NOL4: variants seen among roughly 807,000 people sequenced by gnomAD.
NOL4 encodes the protein cancer/testis antigen 125.
Under a neutral mutation model 75.9 loss-of-function variants are expected in NOL4, and 17 were observed. The observed-to-expected ratio is 0.22, with a 90% CI of 0.15 to 0.34. NOL4 has a LOEUF of 0.34. NOL4 is among the 10% of genes least tolerant of loss of function. The probability of loss-of-function intolerance (pLI) is 1.00; values close to 1 mark genes in which losing one functional copy is unlikely to be tolerated. For missense variants in NOL4, 614 were observed against 793.5 expected (o/e 0.77, Z 2.72); for synonymous variants, 292 against 289.9 (o/e 1.01, Z -0.07).
intron 6 of NOL4, among the ~76,000 whole-genome samples, chr18:34,008,191 T>G (rs1352322816): frequency 2.0e-5 from 3 of 151,986 alleles, no homozygotes; most frequent in East Asian, 3.9e-4. Flanking sequence ...GTTTATGGTC[T>G]TCTAATTCAG....
At chr18:34,159,270 G>A (rs770886972) in intron 1 of NOL4, among the ~76,000 whole-genome samples, 1 of 152,180 alleles carries the variant, frequency 6.6e-6, no homozygotes, top group Non-Finnish European at 1.5e-5. Context: ...CTCCCAACCC[G>A]CGACCCTCCG....
Position 33,852,268 on chromosome 18 carries a change from A to G in NOL4, c.*574T>C, listed in dbSNP as rs1405555872. On this transcript the variant is annotated 3_prime_UTR_variant, in exon 11 of 11. Coordinates refer to ENST00000261592, the MANE Select transcript of NOL4 (RefSeq NM_003787.5). ...GAAAAGGTACTTACAGTAGTTTCTCAAAACAGTTTTCTTTTAGGACCTATG... is the reference window on the plus strand; with the variant it reads ...GAAAAGGTACTTACAGTAGTTTCTCGAAACAGTTTTCTTTTAGGACCTATG... 1 of 152,522 alleles carries G rather than the reference A, an allele frequency of 6.6e-6. No individual in the cohort carries two copies. Among genetic ancestry groups the G allele is most frequent in the African/African-American group, 2.4e-5 (1 of 41,432 alleles). The allele number at this position is 152,522 out of a possible 1,614,324, so 9.4% of individuals were successfully genotyped here. A position where few individuals can be genotyped will look rare whatever the true frequency, so the allele number is the denominator to read the frequency against.
intron 1 of NOL4, among the ~76,000 whole-genome samples, chr18:34,182,475 T>C (rs566347912): frequency 6.6e-6 from 1 of 151,802 alleles, no homozygotes; most frequent in South Asian, 2.1e-4. Flanking sequence ...TACAACTATA[T>C]AGTGGTGATG....
chr18:34,140,649 T>G (rs955642164), intron 1 of NOL4, among the ~76,000 whole-genome samples: 6 of 152,194 alleles, frequency 3.9e-5, no homozygotes, highest in African/African-American at 1.2e-4. Flanking sequence ...CCAGTCTGTG[T>G]CTTTTAATTG....
intron 1 of NOL4, among the ~76,000 whole-genome samples, chr18:34,155,860 T>C (rs1158375176): frequency 6.6e-6 from 1 of 152,102 alleles, no homozygotes; most frequent in Non-Finnish European, 1.5e-5. Context: ...ATTATTCTTG[T>C]CATGATTAAA....
intron 10 of NOL4, among the ~76,000 whole-genome samples, chr18:33,862,122 T>C (rs1241786373): frequency 1.3e-5 from 2 of 152,080 alleles, no homozygotes; most frequent in Non-Finnish European, 2.9e-5. Context: ...GCCACATATC[T>C]ACAACTATCT....
chr18:34,091,326 A>C (rs747767173), intron 5 of NOL4, among the ~76,000 whole-genome samples: 6 of 152,002 alleles, frequency 3.9e-5, no homozygotes, highest in Non-Finnish European at 5.9e-5. Flanking sequence ...TCACTCCACT[A>C]CACTCCAGCC....
intron 1 of NOL4, among the ~76,000 whole-genome samples, chr18:34,199,871 A>G (rs2035607153): frequency 1.3e-5 from 2 of 151,898 alleles, no homozygotes; most frequent in Non-Finnish European, 2.9e-5. Context: ...TACAGTTCAG[A>G]GAGGGAAGGA....
intron 5 of NOL4, among the ~76,000 whole-genome samples, chr18:34,059,168 GT>G (rs1018548302): frequency 8.1e-6 from 1 of 124,036 alleles, no homozygotes; most frequent in African/African-American, 2.9e-5. Context: ...CACATGCTTA[GT>G]TTATATGTGC....
intron 1 of NOL4, among the ~76,000 whole-genome samples, chr18:34,205,048 C>T (rs756139700): frequency 1.3e-5 from 2 of 152,060 alleles, no homozygotes; most frequent in Non-Finnish European, 2.9e-5. Context: ...GCATTCCATC[C>T]TTACTGCCCT....
At chr18:34,053,753 T>C in intron 5 of NOL4, among the ~76,000 whole-genome samples, 1 of 151,952 alleles carries the variant, frequency 6.6e-6, no homozygotes, top group East Asian at 1.9e-4. Flanking sequence ...GGGGGAGCAA[T>C]ATTATAATTA....
At chr18:33,898,818 T>C (rs1464112032) in intron 9 of NOL4, among the ~76,000 whole-genome samples, 2 of 152,182 alleles carry the variant, frequency 1.3e-5, no homozygotes, top group African/African-American at 4.8e-5. Context: ...AACCCAAAGT[T>C]CCTTGCATGC....
chr18:34,107,093 T>C (rs2079325017), intron 2 of NOL4, among the ~76,000 whole-genome samples: 1 of 152,184 alleles, frequency 6.6e-6, no homozygotes, highest in Non-Finnish European at 1.5e-5. Context: ...ACGGTCCTGA[T>C]ACTTTCTGAA....
At chr18:34,183,105 A>T (rs2034173178) in intron 1 of NOL4, among the ~76,000 whole-genome samples, 1 of 151,988 alleles carries the variant, frequency 6.6e-6, no homozygotes, top group East Asian at 1.9e-4. Context: ...CAATTTTAAA[A>T]ATGTCAAAAT....
intron 1 of NOL4, among the ~76,000 whole-genome samples, chr18:34,140,145 T>A (rs182517160): frequency 1.3e-5 from 2 of 152,320 alleles, no homozygotes; most frequent in Admixed American, 1.3e-4. Flanking sequence ...CTGAGAAGAA[T>A]GTATATTCTG....
intron 1 of NOL4, among the ~76,000 whole-genome samples, chr18:34,162,013 A>G (rs2031560363): frequency 6.6e-6 from 1 of 152,164 alleles, no homozygotes; most frequent in Admixed American, 6.5e-5. Flanking sequence ...AACTATTTCT[A>G]TGCCGGCAGA....
intron 10 of NOL4, among the ~76,000 whole-genome samples, chr18:33,858,194 G>T (rs1285128208): frequency 1.3e-5 from 2 of 151,930 alleles, no homozygotes. Context: ...TTATTTTTCT[G>T]GACACAATTA....
Position 34,106,278 on chromosome 18 carries a change from T to C in NOL4, c.415-1118A>G, listed in dbSNP as rs184874967. On this transcript the variant is annotated intron_variant, in intron 2 of 10. Coordinates refer to ENST00000261592, the MANE Select transcript of NOL4 (RefSeq NM_003787.5). ...TGGAGTCAACTTTGCTTAGCCAGGCTACAGAAGCCTAGCCTTGAGAAAACC... is the reference window on the plus strand; with the variant it reads ...TGGAGTCAACTTTGCTTAGCCAGGCCACAGAAGCCTAGCCTTGAGAAAACC... Among the ~76,000 whole-genome samples, 625 of 152,182 alleles carry C rather than the reference T, an allele frequency of 4.1e-3. 5 individuals are homozygous for C. The highest frequency in any genetic ancestry group is 0.014 in the African/African-American group (568 of 41,560).
intron 9 of NOL4, among the ~76,000 whole-genome samples, chr18:33,906,270 C>A (rs2066040175): frequency 6.6e-6 from 1 of 152,196 alleles, no homozygotes; most frequent in Admixed American, 6.5e-5. Context: ...CCCATGCTGG[C>A]ACCCAGATAT....
Sources: allele counts gnomAD v4.1 joint callset (sites outside exome capture counted in the v4.1 genomes callset), GRCh38; gene constraint gnomAD v4.1.1; transcripts MANE v1.5; gene names NCBI Gene and HGNC (gene_info 2026-07-23, HGNC 2026-07-21).